The following TENM4 variants were observed in gnomAD, a reference collection of about 807,000 sequenced individuals.
The protein encoded by TENM4 is teneurin transmembrane protein 4.
A neutral mutation model predicts 243.3 loss-of-function variants in TENM4; 82 were observed. That is an observed-to-expected ratio of 0.34 (90% confidence interval 0.28 to 0.40). TENM4 has a LOEUF of 0.40. TENM4 is among the 10% of genes least tolerant of loss of function. The probability of loss-of-function intolerance (pLI) is 1.00; values close to 1 mark genes in which losing one functional copy is unlikely to be tolerated. For synonymous variants in TENM4, 1,412 were observed against 1,456.3 expected, an observed-to-expected ratio of 0.97 and a Z score of 0.69; for missense variants, 3,138 against 3,673.3, an observed-to-expected ratio of 0.85 and a Z score of 3.77.
intron 12 of TENM4, among the ~76,000 whole-genome samples, chr11:78,853,898 C>G (rs1041530671): frequency 6.6e-6 from 1 of 152,190 alleles, no homozygotes; most frequent in Non-Finnish European, 1.5e-5. Context: ...AGAGAAGCAG[C>G]GGGCAACAGC....
At chr11:79,008,574 T>C (rs1369462) in intron 6 of TENM4, among the ~76,000 whole-genome samples, 50,057 of 152,084 alleles carry the variant, frequency 0.33, 8,361 homozygotes, top group African/African-American at 0.4. Flanking sequence ...CATGAAAGCC[T>C]CTTTGTAGGA....
intron 7 of TENM4, among the ~76,000 whole-genome samples, chr11:78,899,871 T>C (rs1266148908): frequency 6.6e-6 from 1 of 152,210 alleles, no homozygotes; most frequent in African/African-American, 2.4e-5. Flanking sequence ...ATATTTCTTG[T>C]AAAGTCTGCA....
At chr11:78,884,279 A>G (rs1855498618) in intron 9 of TENM4, among the ~76,000 whole-genome samples, 1 of 152,214 alleles carries the variant, frequency 6.6e-6, no homozygotes. Flanking sequence ...GCTCTCAACC[A>G]TCATGCGGCT....
At chr11:79,164,034 A>G (rs1862830525) in intron 3 of TENM4, among the ~76,000 whole-genome samples, 1 of 100,988 alleles carries the variant, frequency 9.9e-6, no homozygotes, top group African/African-American at 3.4e-5. Context: ...TGTATATAGT[A>G]TATATACACT....
intron 15 of TENM4, among the ~76,000 whole-genome samples, chr11:78,787,344 C>T (rs534091168): frequency 6.7e-4 from 102 of 152,286 alleles, no homozygotes; most frequent in Middle Eastern, 3.4e-3. Flanking sequence ...TGTTTCCCCA[C>T]CAAAAGAGGA....
intron 28 of TENM4, among the ~76,000 whole-genome samples, 154 bp downstream of exon 28, chr11:78,701,372 G>C (rs1859096753): frequency 6.6e-6 from 1 of 152,166 alleles, no homozygotes; most frequent in Admixed American, 6.5e-5. Flanking sequence ...CTTCCTAGGA[G>C]AAATCATGTG....
intron 2 of TENM4, among the ~76,000 whole-genome samples, chr11:79,279,018 G>A (rs1010572789): frequency 1.3e-5 from 2 of 152,170 alleles, no homozygotes; most frequent in Non-Finnish European, 2.9e-5. Context: ...ACACACGTCT[G>A]CTTTCAGGCA....
At chr11:79,344,390 C>T (rs978595173) in intron 1 of TENM4, among the ~76,000 whole-genome samples, 2 of 152,058 alleles carry the variant, frequency 1.3e-5, no homozygotes, top group African/African-American at 4.8e-5. Flanking sequence ...GGCATGCACT[C>T]GCTACTCGGG....
intron 3 of TENM4, among the ~76,000 whole-genome samples, chr11:79,198,192 G>A (rs1863671735): frequency 6.6e-6 from 1 of 152,230 alleles, no homozygotes; most frequent in Admixed American, 6.5e-5. Context: ...TGTGAGGACA[G>A]CCTCCTTGAT....
intron 6 of TENM4, among the ~76,000 whole-genome samples, chr11:79,018,474 C>T (rs944143786): frequency 3.3e-5 from 5 of 151,996 alleles, no homozygotes; most frequent in Admixed American, 1.3e-4. Flanking sequence ...ACACATCCCC[C>T]CACACACATC....
At chr11:79,377,147 T>C (rs567870463) in intron 1 of TENM4, among the ~76,000 whole-genome samples, 8 of 152,324 alleles carry the variant, frequency 5.3e-5, no homozygotes, top group Admixed American at 2.6e-4. Flanking sequence ...CAAGGAATGC[T>C]GTCAGCCACC....
chr11:78,920,726 T>G (rs767266814), intron 6 of TENM4, among the ~76,000 whole-genome samples: 1 of 152,204 alleles, frequency 6.6e-6, no homozygotes, highest in African/African-American at 2.4e-5. Context: ...TATATATATG[T>G]GTGTATATAT....
intron 4 of TENM4, among the ~76,000 whole-genome samples, chr11:79,128,983 A>G (rs1861939180): frequency 6.6e-6 from 1 of 152,166 alleles, no homozygotes; most frequent in South Asian, 2.1e-4. Flanking sequence ...AGGATCCACA[A>G]ACCCTCTGAA....
At chr11:78,793,197 T>G (rs1441856044) in intron 15 of TENM4, among the ~76,000 whole-genome samples, 1 of 152,192 alleles carries the variant, frequency 6.6e-6, no homozygotes, top group African/African-American at 2.4e-5. Context: ...AGGGAAAGAC[T>G]TATGCACAAT....
intron 1 of TENM4, among the ~76,000 whole-genome samples, chr11:79,330,451 C>G (rs1857043859): frequency 6.6e-6 from 1 of 152,198 alleles, no homozygotes; most frequent in South Asian, 2.1e-4. Flanking sequence ...CCTGGGCTCT[C>G]TGAGAGTTGA....
At chr11:79,265,772 G>A (rs1855873722) in intron 2 of TENM4, among the ~76,000 whole-genome samples, 1 of 152,068 alleles carries the variant, frequency 6.6e-6, no homozygotes, top group Non-Finnish European at 1.5e-5. Context: ...AGATGGGGAG[G>A]AAACAGGGCT....
At chr11:78,742,679 A>C (rs551527952) in intron 19 of TENM4, among the ~76,000 whole-genome samples, 1 of 152,296 alleles carries the variant, frequency 6.6e-6, no homozygotes, top group African/African-American at 2.4e-5. Flanking sequence ...CATGAGTCCA[A>C]CCACACACTC....
chr11:79,357,006 T>C (rs1222979872), intron 1 of TENM4, among the ~76,000 whole-genome samples: 1 of 152,190 alleles, frequency 6.6e-6, no homozygotes, highest in Admixed American at 6.5e-5. Context: ...GTTATCTTAA[T>C]TTTACCAACA....
At chr11:78,867,089 C>T (rs1858999296) in intron 9 of TENM4, among the ~76,000 whole-genome samples, 1 of 152,134 alleles carries the variant, frequency 6.6e-6, no homozygotes, top group Non-Finnish European at 1.5e-5. Context: ...CAGCATTTAT[C>T]TTTTGTGTTA....
Sources: gnomAD v4.1 joint callset for allele counts (sites outside exome capture counted in the v4.1 genomes callset) on GRCh38, gnomAD v4.1.1 for gene constraint, MANE v1.5 for transcripts, NCBI Gene and HGNC (gene_info 2026-07-23, HGNC 2026-07-21) for gene names.